Variants in SLC25A32 observed in about 807,000 individuals in gnomAD.
SLC25A32 encodes solute carrier family 25 member 32.
A neutral mutation model predicts 39.0 loss-of-function variants in SLC25A32; 32 were observed. The ratio of observed to expected loss-of-function variants is 0.82; its 90% confidence interval spans 0.62 to 1.10. The LOEUF (loss-of-function observed/expected upper bound fraction) is 1.10, where lower values mean the gene tolerates loss of function less well. Among genes scored for constraint, SLC25A32 ranks in the 50% least tolerant of loss-of-function variants. The pLI is 0.00. For missense variants in SLC25A32, 367 were observed against 395.3 expected (o/e 0.93, Z 0.61); for synonymous variants, 166 against 152.4 (o/e 1.09, Z -0.66).
At position 103,404,786 on chromosome 8, in the gene SLC25A32, A is replaced by G. The variant is rs1399455469; in HGVS notation, c.381T>C (p.Ala127=). The G allele has an allele frequency of 6.2e-7, 1 of 1,611,240 alleles. No homozygotes were observed. ...RLEATEYLVS[A]AEAGAMTLCI... ...CACACATTGCCTTACCAGCTTCAGC[A>G]GCTGAGACAAGGTATTCTGTTGCCT... The change falls in exon 3 of 7, where the codon GCT becomes GCC. Residue 127 remains alanine, a synonymous_variant. Coordinates refer to ENST00000297578, the MANE Select transcript of SLC25A32 (RefSeq NM_030780.5).
At chr8:103,408,049 C>A (rs1186046325) in intron 1 of SLC25A32, among the ~76,000 whole-genome samples, 4 of 150,808 alleles carry the variant, frequency 2.7e-5, no homozygotes. Flanking sequence ...ACGATCTTGG[C>A]TCACTGCAAT....
Position 103,400,476 on chromosome 8 carries a change from T to G in SLC25A32, c.883A>C (p.Ile295Leu). Residue 295 changes from isoleucine (I) to leucine (L), a missense_variant, in exon 7 of 7, where the codon ATT becomes CTT. Coordinates refer to ENST00000297578, the MANE Select transcript of SLC25A32 (RefSeq NM_030780.5). ...ACGTTTTCATATACCACAAAGGTAA[T>G]ACAGCAGGCTGGAGTCACTCTAATC... ...NLIRVTPACC[I>L]TFVVYENVSH... 1 of 1,614,114 alleles carries G rather than the reference T, an allele frequency of 6.2e-7. No homozygotes were observed. Among genetic ancestry groups the G allele is most frequent in the Non-Finnish European group, 8.5e-7 (1 of 1,179,942 alleles).
intron 3 of SLC25A32, among the ~76,000 whole-genome samples, 193 bp downstream of exon 3, chr8:103,404,583 G>T (rs375898379): frequency 8.5e-4 from 128 of 149,928 alleles, no homozygotes; most frequent in African/African-American, 2.7e-3. Flanking sequence ...CGACAAGAGC[G>T]AAACTCCGCC....
intron 1 of SLC25A32, among the ~76,000 whole-genome samples, chr8:103,410,095 A>G (rs780794921): frequency 3.9e-5 from 6 of 152,206 alleles, no homozygotes; most frequent in Non-Finnish European, 8.8e-5. Flanking sequence ...CCTCTCAATA[A>G]TAAACTCACA....
chr8:103,405,227 C>A (rs1332772457), intron 2 of SLC25A32, among the ~76,000 whole-genome samples: 1 of 152,066 alleles, frequency 6.6e-6, no homozygotes, highest in East Asian at 1.9e-4. Context: ...TGAGCACCTA[C>A]GTTCAGGTAC....
intron 2 of SLC25A32, among the ~76,000 whole-genome samples, 200 bp from the exon 3 acceptor site, chr8:103,405,061 G>A (rs1266508893): frequency 9.2e-5 from 14 of 152,046 alleles, no homozygotes; most frequent in Admixed American, 3.9e-4. Context: ...AAATGAATAC[G>A]GCTAGCAATA....
Position 103,402,124 on chromosome 8 carries a change from T to C in SLC25A32, c.553-70A>G. The C allele has an allele frequency of 2.0e-6, 2 of 1,001,848 alleles. 1 individual carries two copies. The highest frequency in any genetic ancestry group is 3.6e-5 in the South Asian group (2 of 56,154). 62.1% of individuals were successfully genotyped at this position (1,001,848 alleles called of 1,614,324 possible). A position where few individuals can be genotyped will look rare whatever the true frequency, so the allele number is the denominator to read the frequency against. On this transcript the variant is annotated intron_variant, in intron 4 of 6. Coordinates refer to ENST00000297578, the MANE Select transcript of SLC25A32 (RefSeq NM_030780.5). ...AGAACAATATATTTAAGTAAAATAC[T>C]TTCTCTTCTCTCTCATTACAGCACT...
chr8:103,411,420 CG>C (rs1310275530), intron 1 of SLC25A32, among the ~76,000 whole-genome samples: 2 of 152,128 alleles, frequency 1.3e-5, no homozygotes, highest in East Asian at 3.9e-4. Context: ...CCCTGGCCCC[CG>C]AGACAATCTC....
At position 103,407,798 on chromosome 8, in the gene SLC25A32, T is replaced by C; in HGVS notation, c.155-14A>G. ...ATCCATCACTCACTGCATCAAGGGA[T>C]ACACAAAGTCAGGTAAGAACAAAGT... On this transcript the variant is annotated splice_polypyrimidine_tract_variant and intron_variant, in intron 1 of 6. Transcript: ENST00000297578. The C allele has an allele frequency of 1.2e-6, 2 of 1,610,598 alleles. 1 individual carries two copies. Among genetic ancestry groups the C allele is most frequent in the Non-Finnish European group, 1.7e-6 (2 of 1,177,790 alleles).
chr8:103,415,068 A>C lies in SLC25A32; in HGVS notation c.-131T>G. On this transcript the variant is annotated 5_prime_UTR_variant, in exon 1 of 7. Transcript: ENST00000297578. ...CTCCGGGACCAACGAGAGGACTCTT[A>C]TGCCCAAGGCGCGTGAGCGAAGCCG... The C allele has an allele frequency of 6.2e-7, 1 of 1,607,788 alleles. No homozygotes were observed. Among genetic ancestry groups the C allele is most frequent in the Non-Finnish European group, 8.5e-7 (1 of 1,177,542 alleles).
chr8:103,400,033 AC>A lies in SLC25A32; in HGVS notation c.*377del, dbSNP rs565205394. On this transcript the variant is annotated 3_prime_UTR_variant, in exon 7 of 7. Coordinates refer to ENST00000297578, the MANE Select transcript of SLC25A32 (RefSeq NM_030780.5). Reference sequence around the variant, plus strand: ...TAAAGAGCTATTTTCTTGGTATTGCACAAAGGTTAATTTTAAAGCAATCCAG... The same window carrying A: ...TAAAGAGCTATTTTCTTGGTATTGCAAAAGGTTAATTTTAAAGCAATCCAG... 25 of 214,294 alleles carry A rather than the reference AC, an allele frequency of 1.2e-4. No homozygotes were observed. The East Asian group carries it at 3.4e-3, about 29-fold the overall frequency. The allele number at this position is 214,294 out of a possible 1,614,324, so 13.3% of individuals were successfully genotyped here.
intron 1 of SLC25A32, among the ~76,000 whole-genome samples, chr8:103,410,529 G>A (rs1341133606): frequency 2.0e-4 from 30 of 152,150 alleles, no homozygotes; most frequent in Admixed American, 2.0e-3. Context: ...ATGATCTGAG[G>A]TGAAACAGTT....
chr8:103,405,961 A>G (rs1253381324), intron 2 of SLC25A32, among the ~76,000 whole-genome samples: 3 of 151,990 alleles, frequency 2.0e-5, no homozygotes, highest in African/African-American at 7.2e-5. Flanking sequence ...GAGCCACTGC[A>G]CCTGGCCCAA....
Position 103,401,536 on chromosome 8 carries a change from A to C in SLC25A32, c.792T>G (p.Asp264Glu). The change falls in exon 6 of 7, where the codon GAT becomes GAG. Residue 264 changes from aspartate (D) to glutamate (E), a missense_variant. Asp to Glu is a conservative substitution (Grantham distance 45). Transcript: ENST00000297578. ...CTCACCTCCATGTCTTTGTGATTAC[A>C]TCTATTACACCACTGTAAAACATGT... ...DQHMFYSGVI[D>E]VITKTWRKEG... is the part of the protein sequence containing the mutation. The C allele has an allele frequency of 6.2e-7, 1 of 1,613,250 alleles. No individual in the cohort carries two copies. Among genetic ancestry groups the C allele is most frequent in the Non-Finnish European group, 8.5e-7 (1 of 1,179,654 alleles).
chr8:103,407,800 C>T lies in SLC25A32; in HGVS notation c.155-16G>A. The T allele has an allele frequency of 1.9e-6, 3 of 1,609,554 alleles. No homozygotes were observed. Among genetic ancestry groups the T allele is most frequent in the African/African-American group, 1.3e-5 (1 of 74,800 alleles). The stretch of plus-strand genomic sequence containing the variant: ...CCATCACTCACTGCATCAAGGGATA[C>T]ACAAAGTCAGGTAAGAACAAAGTTC... On this transcript the variant is annotated splice_polypyrimidine_tract_variant and intron_variant, in intron 1 of 6. Transcript: ENST00000297578.
At chr8:103,409,677 T>C (rs1216839639) in intron 1 of SLC25A32, among the ~76,000 whole-genome samples, 2 of 152,178 alleles carry the variant, frequency 1.3e-5, no homozygotes, top group Non-Finnish European at 2.9e-5. Context: ...TACCTCACTG[T>C]GTATAATCCA....
At chr8:103,408,569 G>T (rs1816391741) in intron 1 of SLC25A32, among the ~76,000 whole-genome samples, 1 of 152,026 alleles carries the variant, frequency 6.6e-6, no homozygotes, top group Non-Finnish European at 1.5e-5. Context: ...CAGAGGATGG[G>T]GTAAACTTTT....
At chr8:103,402,870 A>G (rs1286003033) in intron 4 of SLC25A32, among the ~76,000 whole-genome samples, 1 of 152,188 alleles carries the variant, frequency 6.6e-6, no homozygotes, top group East Asian at 1.9e-4. Flanking sequence ...CTTCCAAGGA[A>G]TGGAGTAAGG....
At chr8:103,404,938 G>A (rs1184859192) in intron 2 of SLC25A32, 77 bp from the exon 3 acceptor site, 4 of 928,178 alleles carry the variant, frequency 4.3e-6, no homozygotes, top group South Asian at 1.5e-5. Flanking sequence ...TAAGTCAACA[G>A]CAGTACCCCA....
Sources: allele counts gnomAD v4.1 joint callset (sites outside exome capture counted in the v4.1 genomes callset), GRCh38; gene constraint gnomAD v4.1.1; transcripts MANE v1.5; gene names NCBI Gene and HGNC (gene_info 2026-07-23, HGNC 2026-07-21).